The following UBR1 variants were observed in gnomAD, a reference collection of about 807,000 sequenced individuals.
UBR1 encodes the protein E3 ubiquitin-protein ligase UBR1.
UBR1 carries 102 observed loss-of-function variants against 242.1 expected under a neutral mutation model. That is an observed-to-expected ratio of 0.42 (90% CI 0.36 to 0.50). The LOEUF (loss-of-function observed/expected upper bound fraction) is 0.50, where lower values mean the gene tolerates loss of function less well. Ranked by LOEUF, UBR1 falls within the 20% of genes least tolerant of loss-of-function variation. UBR1 has a pLI of 0.01. For missense variants in UBR1, 1,772 were observed against 2,101.8 expected, an observed-to-expected ratio of 0.84 and a Z score of 3.07; for synonymous variants, 675 against 684.8, an observed-to-expected ratio of 0.99 and a Z score of 0.22.
chr15:43,021,903 T>C (rs1011040294), intron 26 of UBR1, among the ~76,000 whole-genome samples: 4 of 152,216 alleles, frequency 2.6e-5, no homozygotes, highest in African/African-American at 9.6e-5. Flanking sequence ...TGGATTACAA[T>C]GATATGATCT....
intron 40 of UBR1, among the ~76,000 whole-genome samples, chr15:42,968,635 T>C (rs1448827607): frequency 3.9e-5 from 6 of 152,150 alleles, no homozygotes; most frequent in Admixed American, 3.3e-4. Flanking sequence ...ACCCGTCATC[T>C]ACATTAGGTA....
intron 29 of UBR1, among the ~76,000 whole-genome samples, chr15:43,008,557 G>A (rs1372727837): frequency 6.6e-6 from 1 of 152,256 alleles, no homozygotes; most frequent in Non-Finnish European, 1.5e-5. Context: ...TGGATGATAT[G>A]TTGATGGCGG....
At position 43,018,778 on chromosome 15, in the gene UBR1, T is replaced by A. The variant is rs116848576; in HGVS notation, c.2941-1597A>T. On this transcript the variant is annotated intron_variant, in intron 27 of 46. Transcript: ENST00000290650. ...CTACAACATAGCTTTAAATCAACCATCTGGATAGAGTATCTAATGTTTTTA... is the reference window on the plus strand; with the variant it reads ...CTACAACATAGCTTTAAATCAACCAACTGGATAGAGTATCTAATGTTTTTA... 8.1e-3 allele frequency among the ~76,000 whole-genome samples: 1,229 copies of A among 152,296 alleles called. 10 individuals carry two copies. Among genetic ancestry groups the A allele is most frequent in the Non-Finnish European group, 0.012 (829 of 68,016 alleles).
At chr15:43,037,291 T>G (rs1212262772) in intron 17 of UBR1, among the ~76,000 whole-genome samples, 1 of 147,230 alleles carries the variant, frequency 6.8e-6, no homozygotes, top group Non-Finnish European at 1.5e-5. Flanking sequence ...GAGGTTGCAG[T>G]GAGCTGAGAT....
At chr15:42,986,395 C>G (rs1473977493) in intron 35 of UBR1, among the ~76,000 whole-genome samples, 1 of 152,202 alleles carries the variant, frequency 6.6e-6, no homozygotes, top group Non-Finnish European at 1.5e-5. Context: ...AGATTCAGCT[C>G]TATCAGCAGT....
At chr15:43,050,353 T>A (rs1268773957) in intron 12 of UBR1, among the ~76,000 whole-genome samples, 30 of 152,120 alleles carry the variant, frequency 2.0e-4, no homozygotes, top group Non-Finnish European at 1.5e-5. Flanking sequence ...AAACTATGCA[T>A]CTGACAAAGT....
At chr15:43,068,402 G>A (rs927874864) in intron 5 of UBR1, among the ~76,000 whole-genome samples, 2 of 151,750 alleles carry the variant, frequency 1.3e-5, no homozygotes, top group Admixed American at 1.3e-4. Context: ...CTCCAGGCTG[G>A]TTGCAAACTC....
At chr15:43,060,013 T>C (rs1444575189) in intron 7 of UBR1, 39 bp downstream of exon 7, 1 of 1,605,616 alleles carries the variant, frequency 6.2e-7, no homozygotes, top group Non-Finnish European at 8.5e-7. Flanking sequence ...TGTACATTCA[T>C]CTTTAACTTC....
chr15:43,063,720 T>C (rs1309454659), intron 6 of UBR1, among the ~76,000 whole-genome samples: 3 of 302 alleles, frequency 9.9e-3, no homozygotes, highest in Non-Finnish European at 0.01. Context: ...ATGCCTGCCT[T>C]TTTTTTTTTT....
In UBR1 at chr15:42,942,998, C is replaced by T. The variant is rs986381126; in HGVS notation, c.*2331G>A. The stretch of plus-strand genomic sequence containing the variant: ...TTGCAATAAAAGTTATCAATATATG[C>T]ATTATTTGTATAACTTCATCATGGA... On this transcript the variant is annotated 3_prime_UTR_variant, in exon 47 of 47. Transcript: ENST00000290650. The T allele has an allele frequency of 4.6e-5, 7 of 152,512 alleles. No homozygotes were observed. Among genetic ancestry groups the T allele is most frequent in the Admixed American group, 3.9e-4 (6 of 15,266 alleles). The allele number at this position is 152,512 out of a possible 1,614,324, so 9.4% of individuals were successfully genotyped here. A position where few individuals can be genotyped will look rare whatever the true frequency, so the allele number is the denominator to read the frequency against.
intron 3 of UBR1, among the ~76,000 whole-genome samples, chr15:43,078,779 A>G (rs1157851694): frequency 1.3e-5 from 2 of 152,038 alleles, no homozygotes; most frequent in Non-Finnish European, 2.9e-5. Context: ...GATCAGCCTG[A>G]GCAATACAGC....
intron 37 of UBR1, among the ~76,000 whole-genome samples, chr15:42,980,012 C>T (rs2032351384): frequency 6.6e-6 from 1 of 152,128 alleles, no homozygotes; most frequent in South Asian, 2.1e-4. Flanking sequence ...GTTTCTAGGT[C>T]CCATTTCCTC....
chr15:43,087,131 C>T (rs567501123), intron 1 of UBR1, among the ~76,000 whole-genome samples: 16 of 152,270 alleles, frequency 1.1e-4, no homozygotes, highest in South Asian at 4.2e-4. Flanking sequence ...TCGGGCCGGG[C>T]GCGGTGGCTC....
chr15:42,975,435 TTGTTTC>T (rs2032273760), intron 39 of UBR1, among the ~76,000 whole-genome samples: 2 of 97,114 alleles, frequency 2.1e-5, no homozygotes, highest in African/African-American at 5.1e-5. Context: ...GACAGCTAAA[TTGTTTC>T]TGTTTTTTTT....
rs781288022 is a variant in UBR1, at chr15:43,086,268, C to T, written c.82-28G>A. The T allele has an allele frequency of 8.1e-6, 13 of 1,612,514 alleles. No individual in the cohort carries two copies. In the Admixed American group the frequency reaches 2.2e-4, roughly 27 times the overall value. On this transcript the variant is annotated intron_variant, in intron 1 of 46. Coordinates refer to ENST00000290650, the MANE Select transcript of UBR1 (RefSeq NM_174916.3). ...AAAAGAAAAGAAGATGAAAATTAGACTGACTTACAAGTTCCTTCTTAATCA... is the reference window on the plus strand; with the variant it reads ...AAAAGAAAAGAAGATGAAAATTAGATTGACTTACAAGTTCCTTCTTAATCA...
At chr15:43,028,730 C>T (rs1287801854) in intron 21 of UBR1, among the ~76,000 whole-genome samples, 2 of 143,236 alleles carry the variant, frequency 1.4e-5, no homozygotes, top group South Asian at 2.2e-4. Flanking sequence ...GGGCAACAGA[C>T]CAAGACTCCA....
intron 31 of UBR1, among the ~76,000 whole-genome samples, chr15:43,002,995 T>C (rs2032749666): frequency 1.3e-5 from 2 of 152,198 alleles, no homozygotes; most frequent in African/African-American, 2.4e-5. Context: ...TGGACACTAC[T>C]TTCCTCAGTT....
chr15:43,024,599 C>T (rs2033155015), intron 25 of UBR1, among the ~76,000 whole-genome samples: 1 of 152,100 alleles, frequency 6.6e-6, no homozygotes, highest in South Asian at 2.1e-4. Context: ...CATAAGTACA[C>T]CTGTTTTTGT....
chr15:42,956,876 C>A (rs58483557), intron 44 of UBR1, among the ~76,000 whole-genome samples: 7,058 of 152,010 alleles, frequency 0.046, 538 homozygotes, highest in African/African-American at 0.16. Context: ...CACTGAGGGG[C>A]CAGCAAGGAT....
Sources: allele counts gnomAD v4.1 joint callset (sites outside exome capture counted in the v4.1 genomes callset), GRCh38; gene constraint gnomAD v4.1.1; transcripts MANE v1.5; gene names NCBI Gene and HGNC (gene_info 2026-07-23, HGNC 2026-07-21).